The following ALAS2 variants were observed in gnomAD, a reference collection of about 807,000 sequenced individuals.
ALAS2 encodes 5-aminolevulinate synthase, erythroid-specific, mitochondrial.
Under a neutral mutation model 33.7 loss-of-function variants are expected in ALAS2, and 3 were observed. The ratio of observed to expected loss-of-function variants is 0.09; its 90% CI spans 0.04 to 0.23. The LOEUF (loss-of-function observed/expected upper bound fraction) is 0.23. Ranked by LOEUF, ALAS2 falls within the 10% of genes least tolerant of loss-of-function variation. ALAS2 has a pLI of 1.00. For missense variants in ALAS2, 304 were observed against 475.1 expected, an observed-to-expected ratio of 0.64 and a Z score of 3.35; for synonymous variants, 191 against 177.3, an observed-to-expected ratio of 1.08 and a Z score of -0.61.
rs753464057 is a variant in ALAS2 at position 55,023,874 on chromosome X, C to T, written c.305-7G>A. ...ACCAGGGAGCTAGGCAGATCTGAGA[C>T]GGAATGTGAGATTCATTGGCCGTGA... On this transcript the variant is annotated splice_region_variant and splice_polypyrimidine_tract_variant and intron_variant, in intron 3 of 10. Coordinates refer to ENST00000650242, the MANE Select transcript of ALAS2 (RefSeq NM_000032.5). The T allele has an allele frequency of 9.3e-6, 11 of 1,184,011 alleles. No homozygotes were observed. The highest frequency in any genetic ancestry group is 1.8e-5 in the South Asian group (1 of 55,635).
At chrX:55,015,914 T>C (rs977194814) in intron 7 of ALAS2, among the ~76,000 whole-genome samples, 172 bp from the exon 8 acceptor site, 3 of 108,993 alleles carry the variant, frequency 2.8e-5, no homozygotes, top group Non-Finnish European at 5.7e-5. Flanking sequence ...ATGGATCGAT[T>C]GCCTGTATCT....
chrX:55,016,461 G>A (rs960455946), intron 7 of ALAS2, among the ~76,000 whole-genome samples: 3 of 111,714 alleles, frequency 2.7e-5, no homozygotes, highest in Non-Finnish European at 5.6e-5. Context: ...CTGAGACACA[G>A]AGCAATTAAG....
chrX:55,010,042 G>A (rs188167512), intron 10 of ALAS2, among the ~76,000 whole-genome samples: 200 of 111,609 alleles, frequency 1.8e-3, no homozygotes, highest in African/African-American at 6.1e-3. Context: ...CCTCCACCAA[G>A]CTATTCTACT....
At chrX:55,016,496 T>G (rs778475231) in intron 7 of ALAS2, among the ~76,000 whole-genome samples, 1 of 111,948 alleles carries the variant, frequency 8.9e-6, no homozygotes, top group Non-Finnish European at 1.9e-5. Flanking sequence ...TAGTAAATGG[T>G]CATGCTAGGA....
chrX:55,027,925 T>A, intron 1 of ALAS2: 1 of 623,517 alleles, frequency 1.6e-6, no homozygotes, highest in Non-Finnish European at 2.7e-6. Context: ...AAGCCTTTAG[T>A]ATAGTTTTTG....
intron 6 of ALAS2, 83 bp from the exon 7 acceptor site, chrX:55,017,748 G>C (rs1231456656): frequency 6.9e-6 from 7 of 1,012,459 alleles, no homozygotes; most frequent in Non-Finnish European, 9.7e-6. Context: ...CAAAGAAAAG[G>C]GCCAACCCTT....
At chrX:55,027,696 A>C in intron 1 of ALAS2, 17 of 1,102,317 alleles carry the variant, frequency 1.5e-5, no homozygotes, top group Non-Finnish European at 2.0e-5. Context: ...TCATATGGCA[A>C]CCTCCTTCAT....
At chrX:55,018,997 A>G (rs1024033563) in intron 6 of ALAS2, among the ~76,000 whole-genome samples, 7 of 111,214 alleles carry the variant, frequency 6.3e-5, no homozygotes, top group African/African-American at 2.3e-4. Flanking sequence ...GTGGACTCAA[A>G]AAAAGTTTCT....
chrX:55,016,661 A>G (rs913740458), intron 7 of ALAS2, among the ~76,000 whole-genome samples: 19 of 112,159 alleles, frequency 1.7e-4, no homozygotes, highest in Non-Finnish European at 5.6e-5. Context: ...AAATAAATCC[A>G]TAAGAGGATG....
At chrX:55,010,153 A>G (rs1935577116) in intron 10 of ALAS2, among the ~76,000 whole-genome samples, 1 of 111,063 alleles carries the variant, frequency 9.0e-6, no homozygotes, top group Non-Finnish European at 1.9e-5. Flanking sequence ...CCTATATCCC[A>G]TCTATCAGCA....
rs2735373 is a variant in ALAS2 at position 55,018,420 on chromosome X, T to A, written c.824-755A>T. 2.2e-3 allele frequency among the ~76,000 whole-genome samples: 245 copies of A among 111,186 alleles called. 6 individuals are homozygous for A. The East Asian group carries it at 0.063, about 29-fold the overall frequency. Reference sequence around the variant, plus strand: ...ATAACTTCCACCTGAGAAAATGAGTTATGGCTTTCTGGAGAAAATGGCTTG... The same window carrying A: ...ATAACTTCCACCTGAGAAAATGAGTAATGGCTTTCTGGAGAAAATGGCTTG... On this transcript the variant is annotated intron_variant, in intron 6 of 10. Coordinates refer to ENST00000650242, the MANE Select transcript of ALAS2 (RefSeq NM_000032.5).
Position 55,014,736 on chromosome X carries a change from G to A in ALAS2, c.1437+11C>T. 2 of 1,167,931 alleles carry A rather than the reference G, an allele frequency of 1.7e-6. No individual in the cohort carries two copies. Among genetic ancestry groups the A allele is most frequent in the Non-Finnish European group, 2.3e-6 (2 of 870,286 alleles). On this transcript the variant is annotated intron_variant, in intron 9 of 10. Coordinates refer to ENST00000650242, the MANE Select transcript of ALAS2 (RefSeq NM_000032.5). ...AGGTGGAGAGGGCAATGGGCATGGT[G>A]GGGCTCTCACCCGGATGGGGATGAT...
intron 9 of ALAS2, 116 bp downstream of exon 9, chrX:55,014,631 G>T (rs1935667927): frequency 1.1e-6 from 1 of 921,278 alleles, no homozygotes; most frequent in Non-Finnish European, 1.4e-6. Context: ...GCAATAAAGG[G>T]AATGGTTAGC....
At chrX:55,016,142 A>G (rs997501058) in intron 7 of ALAS2, among the ~76,000 whole-genome samples, 6 of 110,491 alleles carry the variant, frequency 5.4e-5, no homozygotes, top group South Asian at 3.9e-4. Context: ...CATCATTTCA[A>G]TGGGAGAGAT....
At chrX:55,024,052 A>T (rs1935851090) in intron 3 of ALAS2, among the ~76,000 whole-genome samples, 185 bp from the exon 4 acceptor site, 1 of 112,017 alleles carries the variant, frequency 8.9e-6, no homozygotes, top group African/African-American at 3.2e-5. Flanking sequence ...GGAGACTATT[A>T]CATTGTTAGG....
At chrX:55,028,769 A>G (rs1348867359) in intron 1 of ALAS2, among the ~76,000 whole-genome samples, 1 of 110,090 alleles carries the variant, frequency 9.1e-6, no homozygotes, top group Non-Finnish European at 1.9e-5. Flanking sequence ...CTCTGTTTCT[A>G]TTCCATCTCA....
In ALAS2 at chrX:55,023,799, TCTGCTC is replaced by T. The variant is rs1935846707; in HGVS notation, c.367_372del (p.Glu123_Gln124del). ...ATCAGGTGTGTGACCTTCCCAGAGA[TCTGCTC>T]CTGCTCCTGGGGACCGGAAAATGGC... On this transcript the variant is annotated inframe_deletion, in exon 4 of 11. Coordinates refer to ENST00000650242, the MANE Select transcript of ALAS2 (RefSeq NM_000032.5). 8.3e-7 allele frequency: 1 copy of T among 1,210,536 alleles called. No individual in the cohort carries two copies. Among genetic ancestry groups the T allele is most frequent in the African/African-American group, 1.7e-5 (1 of 57,403 alleles).
Position 55,021,265 on chromosome X carries a change from A to G in ALAS2, c.425T>C (p.Val142Ala). 1 of 1,207,396 alleles carries G rather than the reference A, an allele frequency of 8.3e-7. No homozygotes were observed. ...LIQNNMPGNY[V>A]FSYDQFFRDK... ...CCTGAAAAACTGGTCATAACTGAAG[A>G]CATAGTTTCCTGCAGGAGCAGATAT... Residue 142 changes from valine (V) to alanine (A), a missense_variant, in exon 5 of 11, where the codon GTC becomes GCC. By Grantham distance (64) the Val-to-Ala change is moderately conservative (BLOSUM62 0). Around this residue, in one of 3 missense-constraint regions of ALAS2, gnomAD observed 138 missense variants for 265.3 expected, o/e 0.52. Transcript: ENST00000650242.
intron 6 of ALAS2, among the ~76,000 whole-genome samples, chrX:55,019,837 A>C (rs1426984305): frequency 1.8e-5 from 2 of 111,821 alleles, no homozygotes; most frequent in African/African-American, 3.3e-5. Flanking sequence ...AAAGGAAAGA[A>C]TGAGGCAAGG....
Sources: allele counts gnomAD v4.1 joint callset (sites outside exome capture counted in the v4.1 genomes callset), GRCh38; gene constraint gnomAD v4.1.1; regional missense constraint gnomAD v4.1.1; transcripts MANE v1.5; gene names NCBI Gene and HGNC (gene_info 2026-07-23, HGNC 2026-07-21).